Variants in IQGAP2 observed in about 807,000 individuals in gnomAD.
IQGAP2 encodes the protein IQ motif containing GTPase activating protein 2.
A neutral mutation model predicts 201.3 loss-of-function variants in IQGAP2; 173 were observed. The ratio of observed to expected loss-of-function variants is 0.86; its 90% CI spans 0.76 to 0.98. The LOEUF is 0.98. Ranked by LOEUF, IQGAP2 falls within the 50% of genes least tolerant of loss-of-function variation. The pLI is 0.00. For synonymous variants in IQGAP2, 675 were observed against 673.9 expected, an observed-to-expected ratio of 1.00 and a Z score of -0.03; for missense variants, 1,687 against 1,864.8, an observed-to-expected ratio of 0.90 and a Z score of 1.76.
chr5:76,656,833 A>G (rs1005116758), intron 20 of IQGAP2, among the ~76,000 whole-genome samples: 3 of 152,044 alleles, frequency 2.0e-5, no homozygotes, highest in African/African-American at 4.8e-5. Context: ...ACCAAAACAT[A>G]AATTTTCATT....
intron 14 of IQGAP2, among the ~76,000 whole-genome samples, chr5:76,629,488 G>T (rs889254275): frequency 1.3e-5 from 2 of 152,154 alleles, no homozygotes; most frequent in Non-Finnish European, 2.9e-5. Context: ...TATCTTGCTT[G>T]CTTAAAGTAG....
intron 22 of IQGAP2, 56 bp from the exon 23 acceptor site, chr5:76,668,625 A>AT: frequency 7.1e-7 from 1 of 1,403,062 alleles, no homozygotes; most frequent in Non-Finnish European, 9.9e-7. Flanking sequence ...TTAATAATAT[A>AT]TTAACTTATT....
At chr5:76,619,739 C>T (rs1046055592) in intron 13 of IQGAP2, among the ~76,000 whole-genome samples, 2 of 151,970 alleles carry the variant, frequency 1.3e-5, no homozygotes, top group African/African-American at 2.4e-5. Flanking sequence ...AGGATGGTCT[C>T]GATCTCCTGA....
intron 30 of IQGAP2, among the ~76,000 whole-genome samples, chr5:76,686,579 G>C (rs528867386): frequency 6.6e-6 from 1 of 151,972 alleles, no homozygotes; most frequent in Admixed American, 6.6e-5. Flanking sequence ...GCATGATCTC[G>C]GGTCACTGCA....
rs1335804441 is a variant in IQGAP2, at chr5:76,590,472, A to G, written c.705A>G (p.Val235=). 6.2e-7 allele frequency: 1 copy of G among 1,613,984 alleles called. No homozygotes were observed. Among genetic ancestry groups the G allele is most frequent in the Middle Eastern group, 1.6e-4 (1 of 6,062 alleles). The change falls in exon 8 of 36, where the codon GTA becomes GTG. Residue 235 remains valine (V), a synonymous_variant. Transcript: ENST00000274364. ...VEKGIAEQTV[V]TLRNPNAVLT... ...AAGGAATAGCAGAGCAAACCGTTGTAACACTAAGAAACCCAAATGCGGTTT... is the reference window on the plus strand; with the variant it reads ...AAGGAATAGCAGAGCAAACCGTTGTGACACTAAGAAACCCAAATGCGGTTT...
At chr5:76,433,991 C>A (rs1055065736) in intron 1 of IQGAP2, among the ~76,000 whole-genome samples, 2 of 152,174 alleles carry the variant, frequency 1.3e-5, no homozygotes, top group Non-Finnish European at 2.9e-5. Context: ...CCAATCAACT[C>A]CTGTGGTTCA....
chr5:76,683,306 A>G, intron 29 of IQGAP2, 89 bp downstream of exon 29: 3 of 767,928 alleles, frequency 3.9e-6, no homozygotes, highest in South Asian at 3.7e-5. Context: ...TATCCTAGAT[A>G]AAACAATTAT....
At chr5:76,538,111 A>G (rs1467052493) in intron 2 of IQGAP2, among the ~76,000 whole-genome samples, 1 of 152,220 alleles carries the variant, frequency 6.6e-6, no homozygotes, top group Non-Finnish European at 1.5e-5. Context: ...CAATCACGGC[A>G]GAGGATGAAG....
chr5:76,473,185 T>C (rs1406252390), intron 2 of IQGAP2, among the ~76,000 whole-genome samples: 1 of 152,240 alleles, frequency 6.6e-6, no homozygotes, highest in African/African-American at 2.4e-5. Context: ...CATGTCTTCC[T>C]TGTAAGTCCA....
intron 1 of IQGAP2, among the ~76,000 whole-genome samples, chr5:76,445,550 C>T (rs1428283273): frequency 6.7e-6 from 1 of 149,310 alleles, no homozygotes; most frequent in Non-Finnish European, 1.5e-5. Flanking sequence ...CTGCAAACTT[C>T]GCCTCCTGGG....
Position 76,637,078 on chromosome 5 carries a change from T to C in IQGAP2, c.1825T>C (p.Tyr609His). 2 of 1,611,786 alleles carry C rather than the reference T, an allele frequency of 1.2e-6. No homozygotes were observed. Among genetic ancestry groups the C allele is most frequent in the Non-Finnish European group, 1.7e-6 (2 of 1,178,422 alleles). The change falls in exon 16 of 36, where the codon TAT becomes CAT. Residue 609 changes from tyrosine to histidine, a missense_variant. Coordinates refer to ENST00000274364, the MANE Select transcript of IQGAP2 (RefSeq NM_006633.5). ...GCTCAAACTCAACCTGCACAAAAAATATGACTACTATTACAACACTGATTC... is the reference window on the plus strand; with the variant it reads ...GCTCAAACTCAACCTGCACAAAAAACATGACTACTATTACAACACTGATTC... Reference protein sequence around the residue: ...SWLKLNLHKKYDYYYNTDSKE... With the variant: ...SWLKLNLHKKHDYYYNTDSKE...
chr5:76,537,599 T>G (rs1759703262), intron 2 of IQGAP2, among the ~76,000 whole-genome samples: 2 of 152,180 alleles, frequency 1.3e-5, no homozygotes, highest in Non-Finnish European at 1.5e-5. Context: ...AAATATTGAC[T>G]TAGTTTTTCT....
intron 1 of IQGAP2, among the ~76,000 whole-genome samples, chr5:76,442,347 A>C (rs1753094713): frequency 6.6e-6 from 1 of 152,234 alleles, no homozygotes; most frequent in African/African-American, 2.4e-5. Context: ...ATTTCCTTGA[A>C]TAAAAATGAC....
chr5:76,451,276 C>T (rs1169200887), intron 1 of IQGAP2, among the ~76,000 whole-genome samples: 1 of 152,108 alleles, frequency 6.6e-6, no homozygotes, highest in East Asian at 1.9e-4. Context: ...GCTCCTCTTC[C>T]TCTTGTTCCT....
At chr5:76,669,851 TTTC>T (rs1169063235) in intron 23 of IQGAP2, among the ~76,000 whole-genome samples, 7 of 152,234 alleles carry the variant, frequency 4.6e-5, no homozygotes, top group Middle Eastern at 3.4e-3. Flanking sequence ...TGAAATCTTT[TTTC>T]TTCTTCTTCC....
intron 2 of IQGAP2, among the ~76,000 whole-genome samples, chr5:76,474,050 G>T (rs979974010): frequency 2.0e-5 from 3 of 152,166 alleles, no homozygotes; most frequent in African/African-American, 7.2e-5. Flanking sequence ...AATGTAGAGC[G>T]ATCTTCCATT....
chr5:76,515,898 G>GATA (rs1214726751), intron 2 of IQGAP2, among the ~76,000 whole-genome samples: 2 of 109,566 alleles, frequency 1.8e-5, no homozygotes, highest in Admixed American at 9.5e-5. Flanking sequence ...TTTTTTTTGA[G>GATA]ATAGAGTCTT....
At chr5:76,436,671 C>G (rs1752724220) in intron 1 of IQGAP2, among the ~76,000 whole-genome samples, 1 of 149,218 alleles carries the variant, frequency 6.7e-6, no homozygotes, top group South Asian at 2.1e-4. Flanking sequence ...GCTAGGACTA[C>G]AGGTGTGTGC....
chr5:76,704,200 A>G (rs1325678665), intron 35 of IQGAP2, among the ~76,000 whole-genome samples: 1 of 152,270 alleles, frequency 6.6e-6, no homozygotes, highest in African/African-American at 2.4e-5. Context: ...TGTAACAGAT[A>G]AATACAGGAA....
Sources: allele counts gnomAD v4.1 joint callset (sites outside exome capture counted in the v4.1 genomes callset), GRCh38; gene constraint gnomAD v4.1.1; transcripts MANE v1.5; gene names NCBI Gene and HGNC (gene_info 2026-07-23, HGNC 2026-07-21).